Variants in RALYL observed in about 807,000 individuals in gnomAD.
The protein encoded by RALYL is RNA-binding Raly-like protein.
In RALYL, 29 loss-of-function variants were observed where a neutral mutation model predicts 35.1. That is an observed-to-expected ratio of 0.83 (90% CI 0.61 to 1.13). The LOEUF is 1.13. Among genes scored for constraint, RALYL ranks in the 50% most tolerant of loss-of-function variants. The pLI, the probability that RALYL is intolerant of heterozygous loss-of-function variation, is 0.00. For missense variants in RALYL, 359 were observed against 360.4 expected, an observed-to-expected ratio of 1.00 and a Z score of 0.03; for synonymous variants, 120 against 127.6, an observed-to-expected ratio of 0.94 and a Z score of 0.40.
intron 5 of RALYL, among the ~76,000 whole-genome samples, chr8:84,851,439 A>G (rs187647472): frequency 2.4e-4 from 36 of 152,314 alleles, no homozygotes; most frequent in Admixed American, 2.4e-3. Context: ...ACTGAAATTT[A>G]TGCATATCAG....
At chr8:84,864,751 C>A in intron 6 of RALYL, 1 of 595,574 alleles carries the variant, frequency 1.7e-6, no homozygotes, top group South Asian at 1.5e-5. Flanking sequence ...GCCTGGTTTA[C>A]ATGGTAGAAA....
chr8:84,509,916 G>A (rs889538751), intron 1 of RALYL, among the ~76,000 whole-genome samples: 7 of 151,992 alleles, frequency 4.6e-5, no homozygotes, highest in Non-Finnish European at 1.0e-4. Context: ...TATTACTGTA[G>A]CTTTATATTG....
chr8:84,314,196 A>G (rs1843329346), intron 1 of RALYL, among the ~76,000 whole-genome samples: 1 of 152,096 alleles, frequency 6.6e-6, no homozygotes, highest in African/African-American at 2.4e-5. Flanking sequence ...AGGGTACAAC[A>G]TGGGGAAAGC....
At position 84,529,310 on chromosome 8, in the gene RALYL, G is replaced by A; in HGVS notation, c.-12G>A. On this transcript the variant is annotated 5_prime_UTR_variant, in exon 2 of 9. Transcript: ENST00000521268. The stretch of plus-strand genomic sequence containing the variant: ...TTTGTTTGTTTAAGGATTAAAGCAA[G>A]GAGAGCCAATCATGACTGGCAAAAC... The A allele has an allele frequency of 6.4e-7, 1 of 1,561,528 alleles. No individual in the cohort carries two copies. Among genetic ancestry groups the A allele is most frequent in the Non-Finnish European group, 8.7e-7 (1 of 1,151,216 alleles).
chr8:84,234,769 A>T (rs34170457), intron 1 of RALYL, among the ~76,000 whole-genome samples: 56,774 of 148,790 alleles, frequency 0.38, 12,180 homozygotes, highest in East Asian at 0.53. Flanking sequence ...TTATTTATTT[A>T]TTTTTTTTTT....
At chr8:84,412,014 G>C (rs1271901669) in intron 1 of RALYL, among the ~76,000 whole-genome samples, 2 of 151,876 alleles carry the variant, frequency 1.3e-5, no homozygotes, top group South Asian at 4.1e-4. Flanking sequence ...AAAATGCGTA[G>C]AACTGCCTGC....
At chr8:84,502,838 A>G (rs1235323886) in intron 1 of RALYL, among the ~76,000 whole-genome samples, 1 of 152,052 alleles carries the variant, frequency 6.6e-6, no homozygotes, top group South Asian at 2.1e-4. Context: ...CTGTATAGAC[A>G]TACTTAATAG....
chr8:84,468,493 G>A (rs1323850013), intron 1 of RALYL, among the ~76,000 whole-genome samples: 1 of 149,118 alleles, frequency 6.7e-6, no homozygotes, highest in Non-Finnish European at 1.5e-5. Flanking sequence ...CTGGCTTGTA[G>A]GGTTTCTGCC....
At chr8:84,701,301 A>G (rs1459737806) in intron 2 of RALYL, among the ~76,000 whole-genome samples, 3 of 152,172 alleles carry the variant, frequency 2.0e-5, no homozygotes, top group South Asian at 2.1e-4. Context: ...TCCTTCAGTT[A>G]TCTTTTCAGC....
chr8:84,432,063 A>T (rs928483171), intron 1 of RALYL, among the ~76,000 whole-genome samples: 1 of 152,202 alleles, frequency 6.6e-6, no homozygotes. Context: ...ATATGGTTTA[A>T]CAATTCTACT....
intron 2 of RALYL, among the ~76,000 whole-genome samples, chr8:84,687,404 C>G (rs946040814): frequency 2.6e-5 from 4 of 152,040 alleles, no homozygotes; most frequent in African/African-American, 9.7e-5. Flanking sequence ...GGAAAAAATA[C>G]CCGAGTGAAA....
At chr8:84,452,859 G>GTA in intron 1 of RALYL, among the ~76,000 whole-genome samples, 1 of 152,004 alleles carries the variant, frequency 6.6e-6, no homozygotes, top group Non-Finnish European at 1.5e-5. Context: ...GTGTATATAT[G>GTA]TATATTTATG....
At chr8:84,591,322 A>G (rs1813211880) in intron 2 of RALYL, among the ~76,000 whole-genome samples, 1 of 151,984 alleles carries the variant, frequency 6.6e-6, no homozygotes, top group Non-Finnish European at 1.5e-5. Context: ...AAGACTCAAG[A>G]CTCCTGAGAT....
chr8:84,874,517 A>C (rs1326604000), intron 7 of RALYL, among the ~76,000 whole-genome samples: 22 of 152,142 alleles, frequency 1.4e-4, no homozygotes, highest in Non-Finnish European at 2.9e-5. Context: ...AAGTAAGGCT[A>C]TCTGGGTGAC....
chr8:84,614,732 G>A (rs534050115), intron 2 of RALYL, among the ~76,000 whole-genome samples: 2 of 150,796 alleles, frequency 1.3e-5, no homozygotes, highest in Non-Finnish European at 2.9e-5. Flanking sequence ...TTGCTGCTAT[G>A]GAAAGAGCTA....
chr8:84,837,849 C>A (rs966169758), intron 4 of RALYL, among the ~76,000 whole-genome samples: 1 of 152,178 alleles, frequency 6.6e-6, no homozygotes, highest in Non-Finnish European at 1.5e-5. Flanking sequence ...ACCATCATTT[C>A]ATTTTTCTAG....
intron 2 of RALYL, among the ~76,000 whole-genome samples, chr8:84,639,792 G>C (rs190055091): frequency 1.7e-4 from 26 of 151,876 alleles, no homozygotes; most frequent in African/African-American, 6.0e-4. Context: ...AATGCTCTAA[G>C]CAAGACAGGC....
At chr8:84,847,854 C>T (rs1834988088) in intron 4 of RALYL, among the ~76,000 whole-genome samples, 1 of 152,112 alleles carries the variant, frequency 6.6e-6, no homozygotes. Flanking sequence ...AACCCAAACA[C>T]CATGTGTTCC....
intron 1 of RALYL, among the ~76,000 whole-genome samples, chr8:84,437,884 GA>G (rs1286410287): frequency 6.6e-6 from 1 of 152,098 alleles, no homozygotes; most frequent in Non-Finnish European, 1.5e-5. Flanking sequence ...GGCCTCCCTA[GA>G]AACCAAGCAG....
Sources: gnomAD v4.1 joint callset for allele counts (sites outside exome capture counted in the v4.1 genomes callset) on GRCh38, gnomAD v4.1.1 for gene constraint, MANE v1.5 for transcripts, NCBI Gene and HGNC (gene_info 2026-07-23, HGNC 2026-07-21) for gene names.